Variants in NPR3 observed in about 807,000 individuals in gnomAD.
NPR3 encodes atrial natriuretic peptide receptor 3.
In NPR3, 34 loss-of-function variants were observed where a neutral mutation model predicts 54.5. The ratio of observed to expected loss-of-function variants is 0.62; its 90% CI spans 0.47 to 0.83. The LOEUF (loss-of-function observed/expected upper bound fraction) is 0.83. Ranked by LOEUF, NPR3 falls within the 40% of genes least tolerant of loss-of-function variation. The pLI is 0.00. For synonymous variants in NPR3, 289 were observed against 297.1 expected, an observed-to-expected ratio of 0.97 and a Z score of 0.28; for missense variants, 674 against 720.8, an observed-to-expected ratio of 0.94 and a Z score of 0.74.
At chr5:32,770,186 C>T (rs996057632) in intron 3 of NPR3, among the ~76,000 whole-genome samples, 3 of 152,152 alleles carry the variant, frequency 2.0e-5, no homozygotes, top group African/African-American at 7.2e-5. Flanking sequence ...GATCCCAGCA[C>T]TTTGGGAGGC....
At chr5:32,727,243 C>T (rs1432436994) in intron 2 of NPR3, among the ~76,000 whole-genome samples, 1 of 152,156 alleles carries the variant, frequency 6.6e-6, no homozygotes, top group Admixed American at 6.5e-5. Context: ...CCTTCTACCT[C>T]AGCCTCCTGA....
At chr5:32,765,374 C>A (rs976025929) in intron 3 of NPR3, among the ~76,000 whole-genome samples, 1 of 152,160 alleles carries the variant, frequency 6.6e-6, no homozygotes. Context: ...ATTTTAAGTA[C>A]AGCTATAACA....
chr5:32,789,842 C>T lies in NPR3; in HGVS notation c.*3497C>T, dbSNP rs1317157175. On this transcript the variant is annotated 3_prime_UTR_variant, in exon 8 of 8. Transcript: ENST00000265074. ...CTACCTTCTTGTAAGCCAGTATACA[C>T]TGGCTATTTGTGGAAATCTCTTTGG... is the stretch of plus-strand genomic sequence containing the variant. 4.4e-6 allele frequency: 2 copies of T among 454,998 alleles called. No individual in the cohort carries two copies. Among genetic ancestry groups the T allele is most frequent in the East Asian group, 5.6e-5 (1 of 17,754 alleles). The allele number at this position is 454,998 out of a possible 1,614,324, so 28.2% of individuals were successfully genotyped here. A position where few individuals can be genotyped will look rare whatever the true frequency, so the allele number is the denominator to read the frequency against.
upstream of NPR3, among the ~76,000 whole-genome samples, chr5:32,707,775 G>T (rs1738034768): frequency 6.6e-6 from 1 of 152,154 alleles, no homozygotes; most frequent in South Asian, 2.1e-4. Context: ...TGCAGAGACT[G>T]TTACAGTTGG....
At chr5:32,700,430 G>A (rs1183384771) in intron 1 of NPR3, among the ~76,000 whole-genome samples, 1 of 151,590 alleles carries the variant, frequency 6.6e-6, no homozygotes, top group Non-Finnish European at 1.5e-5. Flanking sequence ...GAGTTCTAGG[G>A]TACATGCGCA....
At chr5:32,702,305 A>T (rs1432305958) in intron 1 of NPR3, among the ~76,000 whole-genome samples, 1 of 152,040 alleles carries the variant, frequency 6.6e-6, no homozygotes, top group Non-Finnish European at 1.5e-5. Flanking sequence ...CATGTGCACA[A>T]TGTGCAGGTT....
chr5:32,715,280 C>T (rs1328876296), intron 1 of NPR3, among the ~76,000 whole-genome samples: 3 of 152,128 alleles, frequency 2.0e-5, no homozygotes, highest in Non-Finnish European at 2.9e-5. Context: ...TTGAAAATTC[C>T]CTATTAAGTA....
At position 32,773,615 on chromosome 5, in the gene NPR3, A is replaced by G. The variant is rs1413993624; in HGVS notation, c.1060-1093A>G. 2.0e-5 allele frequency among the ~76,000 whole-genome samples: 3 copies of G among 151,924 alleles called. No individual in the cohort carries two copies. The East Asian group carries it at 5.8e-4, about 29-fold the overall frequency. On this transcript the variant is annotated intron_variant, in intron 3 of 7. Coordinates refer to ENST00000265074, the MANE Select transcript of NPR3 (RefSeq NM_001204375.2). ...TGAGAAACATCCCTTCATCTTCATA[A>G]CTCAGTTCGACTTTTTTTCACTGCT...
In NPR3 at chr5:32,712,127, G is replaced by A; in HGVS notation, c.351G>A (p.Val117=). 1 of 1,613,664 alleles carries A rather than the reference G, an allele frequency of 6.2e-7. No homozygotes were observed. Among genetic ancestry groups the A allele is most frequent in the Non-Finnish European group, 8.5e-7 (1 of 1,179,812 alleles). Residue 117 remains valine (V), a synonymous_variant, in exon 1 of 8, where the codon GTG becomes GTA. Coordinates refer to ENST00000265074, the MANE Select transcript of NPR3 (RefSeq NM_001204375.2). ...DCGNRALFSL[V]DRVAAARGAK... is the part of the protein sequence containing the mutation. The stretch of plus-strand genomic sequence containing the variant: ...GGAACCGTGCGCTCTTCAGCTTGGT[G>A]GACCGCGTGGCGGCGGCGCGGGGCG...
intron 2 of NPR3, among the ~76,000 whole-genome samples, chr5:32,726,936 G>A (rs985374498): frequency 6.6e-6 from 1 of 152,026 alleles, no homozygotes; most frequent in Non-Finnish European, 1.5e-5. Context: ...TTATAATGTT[G>A]ATAGTCATCT....
chr5:32,745,915 TC>T (rs1740271401), intron 3 of NPR3, among the ~76,000 whole-genome samples: 1 of 152,140 alleles, frequency 6.6e-6, no homozygotes. Flanking sequence ...AAATGAGTGG[TC>T]CCATTTGGGG....
upstream of NPR3, among the ~76,000 whole-genome samples, chr5:32,707,402 G>T (rs1177001640): frequency 6.6e-6 from 1 of 152,084 alleles, no homozygotes; most frequent in African/African-American, 2.4e-5. Context: ...GCTAAGGAAA[G>T]TAAGAACCTA....
intron 3 of NPR3, among the ~76,000 whole-genome samples, chr5:32,748,966 T>C (rs547632920): frequency 6.0e-4 from 91 of 152,316 alleles, no homozygotes; most frequent in Middle Eastern, 6.8e-3. Flanking sequence ...AGCCTATTTA[T>C]TGAATTTTTA....
At chr5:32,778,013 G>T (rs1276686901) in intron 4 of NPR3, among the ~76,000 whole-genome samples, 2 of 152,172 alleles carry the variant, frequency 1.3e-5, no homozygotes, top group African/African-American at 2.4e-5. Flanking sequence ...CTGACAGAGG[G>T]ACAGGAGCCA....
chr5:32,735,192 C>T lies in NPR3; in HGVS notation c.893-3672C>T, dbSNP rs1007727289. Among the ~76,000 whole-genome samples the T allele has an allele frequency of 5.9e-5, 9 of 152,288 alleles. No individual in the cohort carries two copies. The East Asian group carries it at 1.5e-3, about 26-fold the overall frequency. The stretch of plus-strand genomic sequence containing the variant: ...TGGTCACTTGGGCATTCTGCAGTCG[C>T]CTTGGATTTACCATACCCCTAACTG... On this transcript the variant is annotated intron_variant, in intron 2 of 7. Transcript: ENST00000265074.
At chr5:32,733,342 A>G (rs1354734935) in intron 2 of NPR3, among the ~76,000 whole-genome samples, 1 of 152,254 alleles carries the variant, frequency 6.6e-6, no homozygotes, top group African/African-American at 2.4e-5. Context: ...GTGATTGAAA[A>G]TAAGACTTAA....
chr5:32,729,655 C>A (rs188104423), intron 2 of NPR3, among the ~76,000 whole-genome samples: 16 of 152,290 alleles, frequency 1.1e-4, no homozygotes, highest in Admixed American at 9.2e-4. Context: ...TAAACCTATA[C>A]AGCAAGTTAC....
intron 3 of NPR3, among the ~76,000 whole-genome samples, chr5:32,741,023 A>T (rs1740011294): frequency 7.5e-6 from 1 of 132,452 alleles, no homozygotes. Flanking sequence ...TCTTTTACAT[A>T]TGCCACTGTA....
At chr5:32,783,512 G>A (rs528563327) in intron 6 of NPR3, 1 of 152,642 alleles carries the variant, frequency 6.6e-6, no homozygotes, top group Non-Finnish European at 1.5e-5. Flanking sequence ...GCAATTGGAT[G>A]TTCTCATAAG....
Sources: allele counts gnomAD v4.1 joint callset (sites outside exome capture counted in the v4.1 genomes callset), GRCh38; gene constraint gnomAD v4.1.1; transcripts MANE v1.5; gene names NCBI Gene and HGNC (gene_info 2026-07-23, HGNC 2026-07-21).